The following SLC38A11 variants were observed in gnomAD, a reference collection of about 807,000 sequenced individuals.
SLC38A11 encodes solute carrier family 38 member 11.
SLC38A11 carries 51 observed loss-of-function variants against 49.4 expected under a neutral mutation model. That is an observed-to-expected ratio of 1.03 (90% CI 0.83 to 1.30). The LOEUF (loss-of-function observed/expected upper bound fraction) is 1.30, where lower values mean the gene tolerates loss of function less well. SLC38A11 is among the 50% of genes most tolerant of loss of function. The pLI, the probability that SLC38A11 is intolerant of heterozygous loss-of-function variation, is 0.00. For synonymous variants in SLC38A11, 203 were observed against 192.9 expected (o/e 1.05, Z -0.43); for missense variants, 574 against 556.2 (o/e 1.03, Z -0.32).
chr2:164,920,204 G>T (rs1445037058), intron 7 of SLC38A11, among the ~76,000 whole-genome samples: 2 of 151,494 alleles, frequency 1.3e-5, no homozygotes, highest in African/African-American at 2.4e-5. Context: ...AACCTGGGGG[G>T]TGGAGGTTGC....
chr2:164,930,070 A>G (rs1056567763), intron 7 of SLC38A11, among the ~76,000 whole-genome samples: 1 of 152,084 alleles, frequency 6.6e-6, no homozygotes, highest in Admixed American at 6.6e-5. Flanking sequence ...CAAGGGGAAT[A>G]TTACCACTGA....
chr2:164,939,833 T>G (rs935080725), intron 5 of SLC38A11, among the ~76,000 whole-genome samples: 1 of 151,974 alleles, frequency 6.6e-6, no homozygotes, highest in African/African-American at 2.4e-5. Context: ...GTTTTCATGC[T>G]TCTGCCTTCT....
intron 1 of SLC38A11, 96 bp downstream of exon 1, chr2:164,955,113 C>T: frequency 8.2e-7 from 1 of 1,226,712 alleles, no homozygotes; most frequent in Non-Finnish European, 1.2e-6. Flanking sequence ...GGTGCTAAAC[C>T]AAGAGCCCAG....
At chr2:164,941,567 C>G (rs1376869109) in intron 5 of SLC38A11, among the ~76,000 whole-genome samples, 1 of 152,076 alleles carries the variant, frequency 6.6e-6, no homozygotes, top group Non-Finnish European at 1.5e-5. Flanking sequence ...TTTAAAAAGT[C>G]ATTTTTGATT....
At position 164,934,927 on chromosome 2, in the gene SLC38A11, T is replaced by C. The variant is rs547291742; in HGVS notation, c.617+2423A>G. 2.0e-5 allele frequency among the ~76,000 whole-genome samples: 3 copies of C among 152,308 alleles called. No homozygotes were observed. In the East Asian group the frequency reaches 5.8e-4, roughly 29 times the overall value. On this transcript the variant is annotated intron_variant, in intron 7 of 11. Coordinates refer to ENST00000685975, the MANE Select transcript of SLC38A11 (RefSeq NM_001351537.2). ...GAATCAGTATAAATATCAGTAGAAT[T>C]AAGTATACGTTTTTGTGCTTTTATA...
intron 7 of SLC38A11, among the ~76,000 whole-genome samples, chr2:164,917,446 T>C (rs1685876659): frequency 1.3e-5 from 2 of 152,186 alleles, no homozygotes; most frequent in Non-Finnish European, 2.9e-5. Flanking sequence ...CAGATTGTTA[T>C]AAGACTTGCT....
rs1167610819 is a variant in SLC38A11, at chr2:164,955,250, C to A, written c.-3G>T. On this transcript the variant is annotated 5_prime_UTR_variant, in exon 1 of 12. Coordinates refer to ENST00000685975, the MANE Select transcript of SLC38A11 (RefSeq NM_001351537.2). The stretch of plus-strand genomic sequence containing the variant: ...GGCTCCTGCCTCTGGTAGCCCATGG[C>A]TGAGCGGTGGTCCTCAGCAGGTGGA... 7.7e-6 allele frequency: 12 copies of A among 1,550,542 alleles called. No homozygotes were observed. Among genetic ancestry groups the A allele is most frequent in the Middle Eastern group, 1.7e-4 (1 of 5,992 alleles).
intron 5 of SLC38A11, among the ~76,000 whole-genome samples, chr2:164,940,173 C>T (rs1020621474): frequency 4.0e-5 from 6 of 149,208 alleles, no homozygotes; most frequent in African/African-American, 1.2e-4. Flanking sequence ...GAAGCTGCTG[C>T]AACTGGTAGA....
At chr2:164,920,126 T>A (rs1331608981) in intron 7 of SLC38A11, among the ~76,000 whole-genome samples, 16 of 151,966 alleles carry the variant, frequency 1.1e-4, no homozygotes, top group Admixed American at 1.0e-3. Context: ...ATACAAAAAT[T>A]AGCCGGGTGT....
chr2:164,929,885 G>A (rs1270734042), intron 7 of SLC38A11, among the ~76,000 whole-genome samples: 1 of 126,172 alleles, frequency 7.9e-6, no homozygotes, highest in Non-Finnish European at 1.9e-5. Context: ...AAACCCAAAA[G>A]CTAGCAGAAG....
chr2:164,932,384 C>T (rs1226470210), intron 7 of SLC38A11, among the ~76,000 whole-genome samples: 1 of 152,066 alleles, frequency 6.6e-6, no homozygotes, highest in Non-Finnish European at 1.5e-5. Flanking sequence ...ACAGAGCTAC[C>T]ATTTGACCCA....
intron 11 of SLC38A11, among the ~76,000 whole-genome samples, chr2:164,900,943 A>C (rs940816253): frequency 6.6e-6 from 1 of 152,010 alleles, no homozygotes; most frequent in Non-Finnish European, 1.5e-5. Context: ...TGGGCCTTAC[A>C]TTTAGGTATC....
At chr2:164,919,398 A>G (rs1686023576) in intron 7 of SLC38A11, among the ~76,000 whole-genome samples, 1 of 152,202 alleles carries the variant, frequency 6.6e-6, no homozygotes, top group Non-Finnish European at 1.5e-5. Context: ...AAAAAACCCC[A>G]TAATATTAAA....
In SLC38A11 at chr2:164,908,638, A is replaced by C. The variant is rs1010904718; in HGVS notation, c.1095+2T>G. The C allele has an allele frequency of 6.5e-7, 1 of 1,542,000 alleles. No homozygotes were observed. Among genetic ancestry groups the C allele is most frequent in the Non-Finnish European group, 8.8e-7 (1 of 1,139,244 alleles). On this transcript the variant is annotated splice_donor_variant, in intron 11 of 11. Transcript: ENST00000685975. LOFTEE classifies it high-confidence loss of function. ...AAGGGGTAAATCTTTGCACGTACTC[A>C]CATTGAGTTCTAGAACTATCCCGAG...
chr2:164,925,076 A>G (rs945091420), intron 7 of SLC38A11, among the ~76,000 whole-genome samples: 6 of 152,216 alleles, frequency 3.9e-5, no homozygotes, highest in African/African-American at 1.4e-4. Flanking sequence ...TATGAATCAT[A>G]TAAAAAGCTA....
intron 3 of SLC38A11, 35 bp from the exon 4 acceptor site, chr2:164,945,762 A>G (rs765336148): frequency 1.3e-6 from 2 of 1,578,776 alleles, no homozygotes; most frequent in South Asian, 1.2e-5. Flanking sequence ...GTCAGATTAC[A>G]TGTAATACAA....
rs945473350 is a variant in SLC38A11 at position 164,938,951 on chromosome 2, T to C, written c.537+499A>G. 5.9e-5 allele frequency among the ~76,000 whole-genome samples: 9 copies of C among 152,140 alleles called. No homozygotes were observed. The South Asian group carries it at 1.9e-3, about 31-fold the overall frequency. On this transcript the variant is annotated intron_variant, in intron 6 of 11. Coordinates refer to ENST00000685975, the MANE Select transcript of SLC38A11 (RefSeq NM_001351537.2). ...AGTTCAGTATTTCTCTTTAGTAATA[T>C]GAATCATAAATATTGGCAAAATTCT...
chr2:164,952,868 A>C lies in SLC38A11; in HGVS notation c.155-87T>G, dbSNP rs181965305. 7.9e-5 allele frequency: 73 copies of C among 918,252 alleles called. No homozygotes were observed. In the African/African-American group the frequency reaches 1.1e-3, roughly 14 times the overall value. The allele number at this position is 918,252 out of a possible 1,614,324, so 56.9% of individuals were successfully genotyped here. ...CCCCCCTTCAATTTCTGCATATAAT[A>C]GGTAAAGTCAATTTATATACTTATA... On this transcript the variant is annotated intron_variant, in intron 2 of 11. Coordinates refer to ENST00000685975, the MANE Select transcript of SLC38A11 (RefSeq NM_001351537.2).
rs1344526871 is a variant in SLC38A11, at chr2:164,898,471, T to G, written c.1355A>C (p.Gln452Pro). 22 of 1,612,826 alleles carry G rather than the reference T, an allele frequency of 1.4e-5. No individual in the cohort carries two copies. The East Asian group carries it at 4.9e-4, about 36-fold the overall frequency. ...TSESHVQQTT[Q>P]LSTLNISIFQ The stretch of plus-strand genomic sequence containing the variant: ...GATACTAATATTTAAAGTAGAAAGT[T>G]GTGTTGTCTGCTGAACATGAGACTC... Residue 452 changes from glutamine to proline, a missense_variant, in exon 12 of 12, where the codon CAA (glutamine) becomes CCA (proline). Transcript: ENST00000685975.
Sources: gnomAD v4.1 joint callset for allele counts (sites outside exome capture counted in the v4.1 genomes callset) on GRCh38, gnomAD v4.1.1 for gene constraint, MANE v1.5 for transcripts, NCBI Gene and HGNC (gene_info 2026-07-23, HGNC 2026-07-21) for gene names.